Variants in HIP1 observed in about 807,000 individuals in gnomAD.
The protein encoded by HIP1 is huntingtin interacting protein 1, also known as huntingtin-interacting protein 1.
HIP1 carries 65 observed loss-of-function variants against 147.6 expected under a neutral mutation model. The ratio of observed to expected loss-of-function variants is 0.44; its 90% CI spans 0.36 to 0.54. The LOEUF is 0.54. Ranked by LOEUF, HIP1 falls within the 20% of genes least tolerant of loss-of-function variation. The probability of loss-of-function intolerance (pLI) is 0.00; values close to 1 mark genes in which losing one functional copy is unlikely to be tolerated. For synonymous variants in HIP1, 479 were observed against 504.0 expected (o/e 0.95, Z 0.67); for missense variants, 1,061 against 1,299.6 (o/e 0.82, Z 2.82).
intron 13 of HIP1, among the ~76,000 whole-genome samples, chr7:75,560,506 C>A (rs1040957582): frequency 3.5e-4 from 54 of 152,278 alleles, no homozygotes; most frequent in African/African-American, 1.2e-3. Context: ...TCTGCCTGAG[C>A]CTTCCAAAGT....
At position 75,557,497 on chromosome 7, in the gene HIP1, G is replaced by A. The variant is rs112740942; in HGVS notation, c.1581+157C>T. ...ATTACTTCGTGTATGCACTGGTGAC[G>A]GTGTTTTGCTGTTCTGTGTGGCCAC... On this transcript the variant is annotated intron_variant, in intron 16 of 30. Coordinates refer to ENST00000336926, the MANE Select transcript of HIP1 (RefSeq NM_005338.7). 6.0e-3 allele frequency among the ~76,000 whole-genome samples: 917 copies of A among 152,196 alleles called. 9 individuals carry two copies. The highest frequency in any genetic ancestry group is 0.021 in the African/African-American group (872 of 41,518).
intron 1 of HIP1, among the ~76,000 whole-genome samples, chr7:75,704,306 C>T (rs1026140248): frequency 1.3e-5 from 2 of 151,726 alleles, no homozygotes; most frequent in Non-Finnish European, 2.9e-5. Context: ...AGTGCAATGG[C>T]GTGATCACGG....
At chr7:75,567,340 AAAGAG>A (rs1201583524) in intron 9 of HIP1, among the ~76,000 whole-genome samples, 4 of 151,336 alleles carry the variant, frequency 2.6e-5, no homozygotes, top group Non-Finnish European at 5.9e-5. Context: ...GGGAGACAGA[AAAGAG>A]AAGAGGATGA....
At chr7:75,567,362 G>A (rs1300740644) in intron 9 of HIP1, among the ~76,000 whole-genome samples, 1 of 151,166 alleles carries the variant, frequency 6.6e-6, no homozygotes, top group Non-Finnish European at 1.5e-5. Flanking sequence ...ATGAAGTCTG[G>A]GGCATAAGCA....
chr7:75,689,570 A>G (rs1554517927), intron 1 of HIP1, among the ~76,000 whole-genome samples: 2 of 152,182 alleles, frequency 1.3e-5, no homozygotes, highest in African/African-American at 4.8e-5. Context: ...ACATGCACAT[A>G]TATATAAATG....
At chr7:75,621,216 A>G (rs1274956647) in intron 1 of HIP1, among the ~76,000 whole-genome samples, 1 of 152,124 alleles carries the variant, frequency 6.6e-6, no homozygotes, top group African/African-American at 2.4e-5. Context: ...CAAAAAATAA[A>G]TAACATGAAG....
chr7:75,544,907 A>G, intron 26 of HIP1, 107 bp from the exon 27 acceptor site: 1 of 810,712 alleles, frequency 1.2e-6, no homozygotes, highest in Non-Finnish European at 2.1e-6. Context: ...CAGGGAGGGG[A>G]GGCTGCCTGC....
intron 1 of HIP1, among the ~76,000 whole-genome samples, chr7:75,705,891 T>C (rs1800975971): frequency 6.6e-6 from 1 of 152,070 alleles, no homozygotes; most frequent in South Asian, 2.1e-4. Context: ...TTTTATTTTA[T>C]TTATTTTATT....
At chr7:75,638,166 G>T (rs550572964) in intron 1 of HIP1, among the ~76,000 whole-genome samples, 1 of 151,826 alleles carries the variant, frequency 6.6e-6, no homozygotes, top group South Asian at 2.1e-4. Context: ...CGGGGTCAGG[G>T]TGATTGAGAT....
intron 4 of HIP1, among the ~76,000 whole-genome samples, chr7:75,590,416 G>A (rs192127248): frequency 6.6e-6 from 1 of 152,100 alleles, no homozygotes; most frequent in East Asian, 1.9e-4. Context: ...AAATAGTAAT[G>A]AGGAAAAAAC....
At chr7:75,653,817 T>C (rs1218319436) in intron 1 of HIP1, among the ~76,000 whole-genome samples, 1 of 152,162 alleles carries the variant, frequency 6.6e-6, no homozygotes, top group Non-Finnish European at 1.5e-5. Flanking sequence ...TTTGTCTTTC[T>C]TGTTCGTGGC....
At chr7:75,545,665 G>C (rs1223639458) in intron 25 of HIP1, among the ~76,000 whole-genome samples, 1 of 150,642 alleles carries the variant, frequency 6.6e-6, no homozygotes, top group African/African-American at 2.4e-5. Flanking sequence ...CAAAACCCTG[G>C]CTAGGCGCGG....
chr7:75,554,253 C>A, intron 20 of HIP1, 33 bp from the exon 21 acceptor site: 1 of 1,568,590 alleles, frequency 6.4e-7, no homozygotes, highest in South Asian at 1.1e-5. Context: ...TTTCTCAGGT[C>A]TGGTTGATGG....
At position 75,611,593 on chromosome 7, in the gene HIP1, GC is replaced by G. The variant is rs1797440557; in HGVS notation, c.121-12347del. On this transcript the variant is annotated intron_variant, in intron 1 of 30. Transcript: ENST00000336926. The stretch of plus-strand genomic sequence containing the variant: ...CATCATTTGGTTCTGAACTGTTCCC[GC>G]CCCGCCACAGGCCAATGCCTGGGGG... 4.9e-6 allele frequency: 4 copies of G among 816,560 alleles called. No individual in the cohort carries two copies. In the South Asian group the frequency reaches 2.3e-4, roughly 46 times the overall value. The allele number at this position is 816,560 out of a possible 1,614,324, so 50.6% of individuals were successfully genotyped here.
chr7:75,639,590 T>TGTGTGTGCGC (rs533751823), intron 1 of HIP1, among the ~76,000 whole-genome samples: 2 of 150,014 alleles, frequency 1.3e-5, no homozygotes, highest in African/African-American at 2.5e-5. Flanking sequence ...TGTGTGTGTG[T>TGTGTGTGCGC]GTGCGCCCGC....
At chr7:75,653,636 A>C (rs1320773792) in intron 1 of HIP1, among the ~76,000 whole-genome samples, 1 of 152,136 alleles carries the variant, frequency 6.6e-6, no homozygotes, top group Non-Finnish European at 1.5e-5. Context: ...AGGCAGGTGG[A>C]TCACCTGAGC....
rs587677350 is a variant in HIP1, at chr7:75,587,885, G to A, written c.385-1052C>T. ...AGGCTGAAGTGGGAGGATCACTTGA[G>A]CCCAGGAAGTTGAGGCTGCAGTGAG... On this transcript the variant is annotated intron_variant, in intron 4 of 30. Transcript: ENST00000336926. Among the ~76,000 whole-genome samples, 6 of 152,262 alleles carry A rather than the reference G, an allele frequency of 3.9e-5. No individual in the cohort carries two copies. In the South Asian group the frequency reaches 1.2e-3, roughly 32 times the overall value.
At chr7:75,638,240 C>T (rs1241150865) in intron 1 of HIP1, among the ~76,000 whole-genome samples, 1 of 152,030 alleles carries the variant, frequency 6.6e-6, no homozygotes, top group Non-Finnish European at 1.5e-5. Flanking sequence ...GGAAAACCTG[C>T]AGTTTCCGGG....
intron 22 of HIP1, among the ~76,000 whole-genome samples, chr7:75,551,432 C>T (rs1794780275): frequency 6.6e-6 from 1 of 151,714 alleles, no homozygotes; most frequent in South Asian, 2.1e-4. Flanking sequence ...CCAGGCTGGT[C>T]TCAAACTCCT....
Sources: gnomAD v4.1 joint callset for allele counts (sites outside exome capture counted in the v4.1 genomes callset) on GRCh38, gnomAD v4.1.1 for gene constraint, MANE v1.5 for transcripts, NCBI Gene and HGNC (gene_info 2026-07-23, HGNC 2026-07-21) for gene names.